Variants in ELF3 observed in about 807,000 individuals in gnomAD.
ELF3 encodes ETS-related transcription factor Elf-3.
In ELF3, 18 loss-of-function variants were observed where a neutral mutation model predicts 43.9. That is an observed-to-expected ratio of 0.41 (90% CI 0.28 to 0.61). The LOEUF (loss-of-function observed/expected upper bound fraction) is 0.61. Ranked by LOEUF, ELF3 falls within the 20% of genes least tolerant of loss-of-function variation. The pLI, the probability that ELF3 is intolerant of heterozygous loss-of-function variation, is 0.30. For missense variants in ELF3, 373 were observed against 487.7 expected, an observed-to-expected ratio of 0.76 and a Z score of 2.21; for synonymous variants, 181 against 190.2, an observed-to-expected ratio of 0.95 and a Z score of 0.40.
Position 202,012,732 on chromosome 1 carries a change from C to G in ELF3, c.571C>G (p.Pro191Ala). ...CAGCTGTGGCGCAGGAGCCCCCTCC[C>G]CTGGCAGCTCTGACGTCTCCACCGC... The part of the protein sequence containing the change: ...PGSCGAGAPS[P>A]GSSDVSTAGT... Residue 191 changes from proline to alanine, a missense_variant, in exon 5 of 9, where the codon CCT (proline) becomes GCT (alanine). Around this residue, in one of 3 missense-constraint regions of ELF3, gnomAD observed 311 missense variants for 351.2 expected, o/e 0.89. Coordinates refer to ENST00000367284, the MANE Select transcript of ELF3 (RefSeq NM_004433.5). The surrounding 1 kb of genome is among the most constrained non-coding windows in gnomAD (Gnocchi z 4.2). 6.3e-7 allele frequency: 1 copy of G among 1,590,206 alleles called. No individual in the cohort carries two copies. The highest frequency in any genetic ancestry group is 1.1e-5 in the South Asian group (1 of 87,474).
chr1:202,012,503 C>T lies in ELF3; in HGVS notation c.478+67C>T. Reference sequence around the variant, plus strand: ...CCCATCCCTGCCCCTCCACAGAGTGCTAGAGATGACCCCCTCCCCAGACTT... The same window carrying T: ...CCCATCCCTGCCCCTCCACAGAGTGTTAGAGATGACCCCCTCCCCAGACTT... On this transcript the variant is annotated intron_variant, in intron 4 of 8. Transcript: ENST00000367284. The surrounding 1 kb of genome is among the most constrained non-coding windows in gnomAD (Gnocchi z 4.2). 6.3e-7 allele frequency: 1 copy of T among 1,582,020 alleles called. No homozygotes were observed. Among genetic ancestry groups the T allele is most frequent in the Non-Finnish European group, 8.6e-7 (1 of 1,163,690 alleles).
chr1:202,012,940 C>T lies in ELF3; in HGVS notation c.599-7C>T. ...GGCAGGGGACTTACTCTGACCCCGC[C>T]CCCCAGGGACTGGTGCTTCTCGGAG... On this transcript the variant is annotated splice_polypyrimidine_tract_variant and splice_region_variant and intron_variant, in intron 5 of 8. Transcript: ENST00000367284. This position sits in a 1 kb window ranked among gnomAD's most constrained non-coding sequence, Gnocchi z 4.2. The T allele has an allele frequency of 6.2e-7, 1 of 1,604,396 alleles. No homozygotes were observed. Among genetic ancestry groups the T allele is most frequent in the Non-Finnish European group, 8.5e-7 (1 of 1,175,174 alleles).
In ELF3 at chr1:202,013,638, C is replaced by A; in HGVS notation, c.806-191C>A. ...GGACACCCTCAATGTGAGGAGGCAG[C>A]TGGTGGGTCTTAGGTGGGCTGAGGA... On this transcript the variant is annotated intron_variant, in intron 7 of 8. Transcript: ENST00000367284. This position sits in a 1 kb window ranked among gnomAD's most constrained non-coding sequence, Gnocchi z 5.7. 1 of 660,920 alleles carries A rather than the reference C, an allele frequency of 1.5e-6. No homozygotes were observed. Among genetic ancestry groups the A allele is most frequent in the Non-Finnish European group, 2.6e-6 (1 of 385,836 alleles). The allele number at this position is 660,920 out of a possible 1,614,324, so 40.9% of individuals were successfully genotyped here.
At chr1:202,015,016 G>A (rs1684284245) in intron 8 of ELF3, 193 bp from the exon 9 acceptor site, 2 of 571,660 alleles carry the variant, frequency 3.5e-6, no homozygotes, top group Non-Finnish European at 3.2e-6. Context: ...TTACAGGCCA[G>A]TGTAGGGAAA....
At position 202,012,719 on chromosome 1, in the gene ELF3, A is replaced by G; in HGVS notation, c.558A>G (p.Ala186=). The G allele has an allele frequency of 6.2e-7, 1 of 1,601,162 alleles. No individual in the cohort carries two copies. The highest frequency in any genetic ancestry group is 1.1e-5 in the South Asian group (1 of 89,492). ...ASPYHPGSCG[A]GAPSPGSSDV... is the part of the protein sequence containing the mutation. ...CCTACCACCCCGGCAGCTGTGGCGC[A>G]GGAGCCCCCTCCCCTGGCAGCTCTG... The change falls in exon 5 of 9, where the codon GCA becomes GCG. Residue 186 remains alanine, a synonymous_variant. Transcript: ENST00000367284. The surrounding 1 kb of genome is among the most constrained non-coding windows in gnomAD (Gnocchi z 4.2).
rs1684310782 is a variant in ELF3 at position 202,016,449 on chromosome 1, G to C, written c.*1126G>C. On this transcript the variant is annotated 3_prime_UTR_variant, in exon 9 of 9. Transcript: ENST00000367284. ...GTTTTGCATTCCAGCCAAGTGTGCTGTAAACTGTATATCTGTAATATGAAT... is the reference window on the plus strand; with the variant it reads ...GTTTTGCATTCCAGCCAAGTGTGCTCTAAACTGTATATCTGTAATATGAAT... 6.7e-6 allele frequency: 1 copy of C among 150,288 alleles called. No individual in the cohort carries two copies. The allele number at this position is 150,288 out of a possible 1,614,324, so 9.3% of individuals were successfully genotyped here.
chr1:202,013,921 G>A lies in ELF3; in HGVS notation c.898G>A (p.Glu300Lys). Residue 300 changes from glutamate (E) to lysine (K), a missense_variant, in exon 8 of 9, where the codon GAA becomes AAA. By Grantham distance (56) the Glu-to-Lys change is moderately conservative (BLOSUM62 1). Coordinates refer to ENST00000367284, the MANE Select transcript of ELF3 (RefSeq NM_004433.5). The surrounding 1 kb of genome is among the most constrained non-coding windows in gnomAD (Gnocchi z 5.7). Reference sequence around the variant, plus strand: ...CCTCATGAAGTGGGAGAATCGGCATGAAGGCGTCTTCAAGTTCCTGCGCTC... The same window carrying A: ...CCTCATGAAGTGGGAGAATCGGCATAAAGGCGTCTTCAAGTTCCTGCGCTC... The part of the protein sequence containing the change: ...EGLMKWENRH[E>K]GVFKFLRSEA... 1 of 1,614,142 alleles carries A rather than the reference G, an allele frequency of 6.2e-7. No homozygotes were observed. Among genetic ancestry groups the A allele is most frequent in the Non-Finnish European group, 8.5e-7 (1 of 1,179,994 alleles).
rs771739681 is a variant in ELF3 at position 202,012,936 on chromosome 1, C to T, written c.599-11C>T. ...GGCCGGCAGGGGACTTACTCTGACC[C>T]CGCCCCCCAGGGACTGGTGCTTCTC... is the stretch of plus-strand genomic sequence containing the variant. On this transcript the variant is annotated splice_polypyrimidine_tract_variant and intron_variant, in intron 5 of 8. Coordinates refer to ENST00000367284, the MANE Select transcript of ELF3 (RefSeq NM_004433.5). This position sits in a 1 kb window ranked among gnomAD's most constrained non-coding sequence, Gnocchi z 4.2. The T allele has an allele frequency of 1.2e-6, 2 of 1,603,726 alleles. No homozygotes were observed. Among genetic ancestry groups the T allele is most frequent in the African/African-American group, 1.3e-5 (1 of 74,666 alleles).
intron 2 of ELF3, chr1:202,011,634 GGCTGA>G (rs932641774): frequency 6.5e-6 from 3 of 460,894 alleles, no homozygotes; most frequent in African/African-American, 3.9e-5. Context: ...CACTTTGGGA[GGCTGA>G]GCTGAGCGGA....
chr1:202,013,152 C>T lies in ELF3; in HGVS notation c.689-30C>T. 1 of 1,612,460 alleles carries T rather than the reference C, an allele frequency of 6.2e-7. No homozygotes were observed. Among genetic ancestry groups the T allele is most frequent in the Non-Finnish European group, 8.5e-7 (1 of 1,179,056 alleles). Reference sequence around the variant, plus strand: ...ACTCTCCCTAACTCCCCTCTTGCCCCTCCTTGACCTTCCACCACCGTCCCC... The same window carrying T: ...ACTCTCCCTAACTCCCCTCTTGCCCTTCCTTGACCTTCCACCACCGTCCCC... On this transcript the variant is annotated intron_variant, in intron 6 of 8. Coordinates refer to ENST00000367284, the MANE Select transcript of ELF3 (RefSeq NM_004433.5). This position sits in a 1 kb window ranked among gnomAD's most constrained non-coding sequence, Gnocchi z 5.7.
chr1:202,015,471 G>A lies in ELF3; in HGVS notation c.*148G>A. 2.6e-6 allele frequency: 2 copies of A among 759,480 alleles called. No homozygotes were observed. Among genetic ancestry groups the A allele is most frequent in the Non-Finnish European group, 4.3e-6 (2 of 469,048 alleles). The allele number at this position is 759,480 out of a possible 1,614,324, so 47.0% of individuals were successfully genotyped here. On this transcript the variant is annotated 3_prime_UTR_variant, in exon 9 of 9. Coordinates refer to ENST00000367284, the MANE Select transcript of ELF3 (RefSeq NM_004433.5). ...AAGCTGATGTTTTGGTGTATTGTCA[G>A]CCATCGTCCTGGGACTCGGAGACTA... is the stretch of plus-strand genomic sequence containing the variant.
rs920652946 is a variant in ELF3 at position 202,013,704 on chromosome 1, G to A, written c.806-125G>A. ...CAGTACCCGCACAGAGGGCACTGCG[G>A]GGTCTCTGGAGAGGCTTGCTGCATG... is the stretch of plus-strand genomic sequence containing the variant. On this transcript the variant is annotated intron_variant, in intron 7 of 8. Transcript: ENST00000367284. The surrounding 1 kb of genome is among the most constrained non-coding windows in gnomAD (Gnocchi z 5.7). 4.7e-6 allele frequency: 5 copies of A among 1,061,558 alleles called. No homozygotes were observed. Among genetic ancestry groups the A allele is most frequent in the Non-Finnish European group, 6.8e-6 (5 of 740,586 alleles). The allele number at this position is 1,061,558 out of a possible 1,614,324, so 65.8% of individuals were successfully genotyped here.
At position 202,015,382 on chromosome 1, in the gene ELF3, T is replaced by C. The variant is rs1027141029; in HGVS notation, c.*59T>C. On this transcript the variant is annotated 3_prime_UTR_variant, in exon 9 of 9. Transcript: ENST00000367284. ...ACCACTCGAGGCCTGCAAACCTTCC[T>C]GGGAGGACAGGCAGGCCAGATGGCC... 6.4e-6 allele frequency: 10 copies of C among 1,560,420 alleles called. No homozygotes were observed. Among genetic ancestry groups the C allele is most frequent in the Non-Finnish European group, 8.8e-6 (10 of 1,138,660 alleles).
Position 202,013,725 on chromosome 1 carries a change from G to A in ELF3, c.806-104G>A. The A allele has an allele frequency of 7.7e-7, 1 of 1,298,120 alleles. No individual in the cohort carries two copies. Among genetic ancestry groups the A allele is most frequent in the Non-Finnish European group, 1.1e-6 (1 of 949,436 alleles). 80.4% of individuals were successfully genotyped at this position (1,298,120 alleles called of 1,614,324 possible). ...TGCGGGGTCTCTGGAGAGGCTTGCT[G>A]CATGCTGTGGCCAAGTCAGCAGTGC... On this transcript the variant is annotated intron_variant, in intron 7 of 8. Coordinates refer to ENST00000367284, the MANE Select transcript of ELF3 (RefSeq NM_004433.5). The surrounding 1 kb of genome is among the most constrained non-coding windows in gnomAD (Gnocchi z 5.7).
rs1466805599 is a variant in ELF3 at position 202,012,588 on chromosome 1, G to A, written c.479-52G>A. 6.4e-7 allele frequency: 1 copy of A among 1,556,220 alleles called. No homozygotes were observed. The highest frequency in any genetic ancestry group is 8.7e-7 in the Non-Finnish European group (1 of 1,151,296). ...ATCAGACCCATGGGCAGCATCACCT[G>A]TCCTGGTCTGGTCCCCTGAGCCCTC... is the stretch of plus-strand genomic sequence containing the variant. On this transcript the variant is annotated intron_variant, in intron 4 of 8. Transcript: ENST00000367284. The surrounding 1 kb of genome is among the most constrained non-coding windows in gnomAD (Gnocchi z 4.2).
rs534418238 is a variant in ELF3, at chr1:202,011,184, T to A, written c.48T>A (p.Ser16Arg). Residue 16 changes from serine (S) to arginine (R), a missense_variant, in exon 2 of 9, where the codon AGT becomes AGA. Ser to Arg is a moderately radical substitution (Grantham distance 110). Transcript: ENST00000367284. ...GCAACATTTTTAGCAACTACTTCAG[T>A]GCGATGTACAGCTCGGAGGACTCCA... ...EISNIFSNYF[S>R]AMYSSEDSTL... 1 of 1,614,132 alleles carries A rather than the reference T, an allele frequency of 6.2e-7. No individual in the cohort carries two copies. The highest frequency in any genetic ancestry group is 8.5e-7 in the Non-Finnish European group (1 of 1,179,988).
Position 202,015,215 on chromosome 1 carries a change from C to T in ELF3, c.1008C>T (p.Tyr336=), listed in dbSNP as rs2102994928. 1.2e-6 allele frequency: 2 copies of T among 1,614,100 alleles called. No individual in the cohort carries two copies. Among genetic ancestry groups the T allele is most frequent in the South Asian group, 2.2e-5 (2 of 91,082 alleles). The stretch of plus-strand genomic sequence containing the variant: ...CATCCTTCTCTTCACCCAGGTACTA[C>T]TACAAACGGGAGATCCTGGAACGGG... ...YEKLSRAMRY[Y]YKREILERVD... is the part of the protein sequence containing the mutation. Residue 336 remains tyrosine, a synonymous_variant, in exon 9 of 9, where the codon TAC becomes TAT. Coordinates refer to ENST00000367284, the MANE Select transcript of ELF3 (RefSeq NM_004433.5).
chr1:202,011,877 CAAAAAA>C, intron 2 of ELF3, 74 bp from the exon 3 acceptor site: 2 of 1,226,662 alleles, frequency 1.6e-6, no homozygotes, highest in Non-Finnish European at 2.2e-6. Flanking sequence ...GACTCCATCT[CAAAAAA>C]AAAAAAAAAA....
At position 202,012,683 on chromosome 1, in the gene ELF3, G is replaced by A; in HGVS notation, c.522G>A (p.Gln174=). The change falls in exon 5 of 9, where the codon CAG becomes CAA. Residue 174 remains glutamine, a synonymous_variant. Coordinates refer to ENST00000367284, the MANE Select transcript of ELF3 (RefSeq NM_004433.5). This position sits in a 1 kb window ranked among gnomAD's most constrained non-coding sequence, Gnocchi z 4.2. ...CCCAGGAGCTGCTGGACGACGGTCAGCAAGCCAGCCCCTACCACCCCGGCA... is the reference window on the plus strand; with the variant it reads ...CCCAGGAGCTGCTGGACGACGGTCAACAAGCCAGCCCCTACCACCCCGGCA... The part of the protein sequence containing the change: ...PFAQELLDDG[Q]QASPYHPGSC... 6.2e-7 allele frequency: 1 copy of A among 1,609,010 alleles called. No homozygotes were observed. The highest frequency in any genetic ancestry group is 1.1e-5 in the South Asian group (1 of 90,590).
Sources: gnomAD v4.1 joint callset for allele counts on GRCh38, gnomAD v4.1.1 for gene constraint, gnomAD v4.1.1 regional missense constraint, Gnocchi (gnomAD v3.1) non-coding constraint, MANE v1.5 for transcripts, NCBI Gene and HGNC (gene_info 2026-07-23, HGNC 2026-07-21) for gene names.